The following CACNA1H variants were observed in gnomAD, a reference collection of about 807,000 sequenced individuals.
CACNA1H encodes voltage-dependent T-type calcium channel subunit alpha-1H.
CACNA1H carries 149 observed loss-of-function variants against 192.5 expected under a neutral mutation model. The ratio of observed to expected loss-of-function variants is 0.77; its 90% confidence interval spans 0.68 to 0.89. The LOEUF is 0.89. Among genes scored for constraint, CACNA1H ranks in the 40% least tolerant of loss-of-function variants. The pLI is 0.00. For missense variants in CACNA1H, 4,257 were observed against 3,423.5 expected, an observed-to-expected ratio of 1.24 and a Z score of -6.08; for synonymous variants, 2,202 against 1,475.2, an observed-to-expected ratio of 1.49 and a Z score of -11.29.
intron 28 of CACNA1H, 53 bp downstream of exon 28, chr16:1,215,134 G>T (rs1567549431): frequency 1.3e-6 from 2 of 1,585,210 alleles, no homozygotes; most frequent in Non-Finnish European, 1.7e-6. Context: ...GGCTCTGGGG[G>T]CTGGGGGCAG....
chr16:1,218,995 G>T lies in CACNA1H; in HGVS notation c.5913G>T (p.Pro1971=), dbSNP rs544401405. The T allele has an allele frequency of 2.6e-6, 4 of 1,550,120 alleles. 1 individual carries two copies. Among genetic ancestry groups the T allele is most frequent in the Middle Eastern group, 3.3e-4 (2 of 5,976 alleles). Residue 1971 remains proline (P), a synonymous_variant, in exon 34 of 35, where the codon CCG becomes CCT. Coordinates refer to ENST00000348261, the MANE Select transcript of CACNA1H (RefSeq NM_021098.3). ...GCTCCGTTGCCTCTGTGCACTCTCC[G>T]CCCGCAGAGTCCTGTGCCTCCCTCC... ...PLGSVASVHS[P]PAESCASLQI...
rs1241197393 is a variant in CACNA1H, at chr16:1,205,356, G to C, written c.2603+91G>C. 13 of 1,354,084 alleles carry C rather than the reference G, an allele frequency of 9.6e-6. No individual in the cohort carries two copies. The East Asian group carries it at 2.8e-4, about 29-fold the overall frequency. The allele number at this position is 1,354,084 out of a possible 1,614,324, so 83.9% of individuals were successfully genotyped here. ...CCTGCAGAGCAAAACCCAGAGCACA[G>C]GAGGAAGTACGACGATAGCTCTTTA... On this transcript the variant is annotated intron_variant, in intron 11 of 34. Coordinates refer to ENST00000348261, the MANE Select transcript of CACNA1H (RefSeq NM_021098.3).
rs753307543 is a variant in CACNA1H, at chr16:1,200,469, C to G, written c.1017C>G (p.Asn339Lys). 3 of 1,611,972 alleles carry G rather than the reference C, an allele frequency of 1.9e-6. No individual in the cohort carries two copies. The highest frequency in any genetic ancestry group is 2.5e-6 in the Non-Finnish European group (3 of 1,179,700). ...GCGCTGCACGCAACGCCTGCATCAA[C>G]TGGAACCAGTACTACAACGTGTGCC... is the stretch of plus-strand genomic sequence containing the variant. ...GVGAARNACI[N>K]WNQYYNVCRS... Residue 339 changes from asparagine to lysine, a missense_variant, in exon 7 of 35, where the codon AAC (asparagine) becomes AAG (lysine). Physicochemically the swap from Asn to Lys is moderately conservative, Grantham distance 94 (BLOSUM62 0). Coordinates refer to ENST00000348261, the MANE Select transcript of CACNA1H (RefSeq NM_021098.3).
At chr16:1,172,772 G>A (rs1964498072) in intron 2 of CACNA1H, among the ~76,000 whole-genome samples, 1 of 152,128 alleles carries the variant, frequency 6.6e-6, no homozygotes, top group African/African-American at 2.4e-5. Flanking sequence ...GGAGTGGGCT[G>A]CTGCTGCCTG....
chr16:1,203,895 A>G, intron 9 of CACNA1H, 115 bp from the exon 10 acceptor site: 1 of 724,906 alleles, frequency 1.4e-6, no homozygotes, highest in African/African-American at 1.8e-5. Flanking sequence ...TGGACTCTGG[A>G]TGGATCTTTC....
At chr16:1,185,699 ACGGT>A (rs1319191262) in intron 2 of CACNA1H, among the ~76,000 whole-genome samples, 5 of 68,450 alleles carry the variant, frequency 7.3e-5, no homozygotes, top group Non-Finnish European at 8.2e-5. Context: ...GGGTGAGTAG[ACGGT>A]CGGCGTGCGT....
At position 1,201,560 on chromosome 16, in the gene CACNA1H, C is replaced by G; in HGVS notation, c.1213-103C>G. 3.6e-6 allele frequency: 5 copies of G among 1,379,302 alleles called. No individual in the cohort carries two copies. The South Asian group carries it at 5.8e-5, about 16-fold the overall frequency. 85.4% of individuals were successfully genotyped at this position (1,379,302 alleles called of 1,614,324 possible). On this transcript the variant is annotated intron_variant, in intron 8 of 34. Coordinates refer to ENST00000348261, the MANE Select transcript of CACNA1H (RefSeq NM_021098.3). ...TAGCAGGGCACCTCGCCCACTGTGC[C>G]TGTGACGCGGCCCCCACTCGAACAG... is the stretch of plus-strand genomic sequence containing the variant.
rs761917566 is a variant in CACNA1H, at chr16:1,220,848, C to T, written c.6916C>T (p.Pro2306Ser). 8.1e-6 allele frequency: 13 copies of T among 1,612,712 alleles called. No homozygotes were observed. The highest frequency in any genetic ancestry group is 9.3e-6 in the Non-Finnish European group (11 of 1,179,828). The change falls in exon 35 of 35, where the codon CCA becomes TCA. Residue 2306 changes from proline to serine, a missense_variant. Transcript: ENST00000348261. Reference sequence around the variant, plus strand: ...AGGGGCCATAGTGCCCCTGGAACCCCCAGAATCAGAGCCTCCCATGCCCGT... The same window carrying T: ...AGGGGCCATAGTGCCCCTGGAACCCTCAGAATCAGAGCCTCCCATGCCCGT... ...SSGAIVPLEP[P>S]ESEPPMPVGD... is the part of the protein sequence containing the mutation.
At position 1,215,514 on chromosome 16, in the gene CACNA1H, C is replaced by A. The variant is rs773228250; in HGVS notation, c.5174-9C>A. ...CCCAGCCCTGCTGACGCTCAGCTCC[C>A]GGCCCTAGTGCTGAAGCTGCTGAAG... On this transcript the variant is annotated splice_polypyrimidine_tract_variant and intron_variant, in intron 29 of 34. Transcript: ENST00000348261. 6.2e-7 allele frequency: 1 copy of A among 1,610,272 alleles called. No homozygotes were observed. Among genetic ancestry groups the A allele is most frequent in the African/African-American group, 1.3e-5 (1 of 74,886 alleles).
At chr16:1,172,296 G>A (rs532459752) in intron 2 of CACNA1H, among the ~76,000 whole-genome samples, 2 of 152,290 alleles carry the variant, frequency 1.3e-5, no homozygotes, top group East Asian at 1.9e-4. Context: ...CCGCAGCCTT[G>A]CCTGTTGAGT....
intron 11 of CACNA1H, 82 bp downstream of exon 11, chr16:1,205,347 C>G (rs1033778050): frequency 1.4e-6 from 2 of 1,407,966 alleles, no homozygotes; most frequent in African/African-American, 2.9e-5. Context: ...GAGCAAAACC[C>G]AGAGCACAGG....
At chr16:1,162,107 G>A (rs1164981195) in intron 2 of CACNA1H, among the ~76,000 whole-genome samples, 1 of 152,130 alleles carries the variant, frequency 6.6e-6, no homozygotes, top group African/African-American at 2.4e-5. Flanking sequence ...TGGCCTCTGG[G>A]TGTGTGGCGG....
At chr16:1,219,302 G>A (rs901598271) in intron 34 of CACNA1H, among the ~76,000 whole-genome samples, 172 bp downstream of exon 34, 1 of 152,146 alleles carries the variant, frequency 6.6e-6, no homozygotes, top group Admixed American at 6.5e-5. Context: ...TGGAGCATTG[G>A]GCCCAGGTGC....
intron 14 of CACNA1H, 74 bp downstream of exon 14, chr16:1,207,504 G>C: frequency 6.7e-7 from 1 of 1,487,286 alleles, no homozygotes; most frequent in Non-Finnish European, 9.2e-7. Context: ...CGAGGGGAGG[G>C]GTGTGGGGGG....
intron 2 of CACNA1H, among the ~76,000 whole-genome samples, chr16:1,164,408 C>T (rs934776484): frequency 7.9e-5 from 12 of 152,188 alleles, no homozygotes; most frequent in Non-Finnish European, 1.8e-4. Flanking sequence ...TCACCCCTCA[C>T]TGCCACCTCG....
chr16:1,203,706 C>T (rs570975906), intron 9 of CACNA1H, among the ~76,000 whole-genome samples: 3 of 152,310 alleles, frequency 2.0e-5, no homozygotes, highest in East Asian at 1.9e-4. Flanking sequence ...TGCAAGTCCC[C>T]GGCTTGTCGA....
At chr16:1,179,635 G>A (rs1342656035) in intron 2 of CACNA1H, among the ~76,000 whole-genome samples, 1 of 151,514 alleles carries the variant, frequency 6.6e-6, no homozygotes, top group African/African-American at 2.4e-5. Context: ...TATCATGTTG[G>A]CCAGGCTGGT....
rs747600250 is a variant in CACNA1H, at chr16:1,200,574, G to A, written c.1119+3G>A. 3.1e-6 allele frequency: 5 copies of A among 1,611,440 alleles called. No homozygotes were observed. Among genetic ancestry groups the A allele is most frequent in the African/African-American group, 1.3e-5 (1 of 74,910 alleles). On this transcript the variant is annotated splice_donor_region_variant and intron_variant, in intron 7 of 34. Transcript: ENST00000348261. ...ACGCCTGGATTGCCATCTTCCAGGT[G>A]GGCGGCAAGATGGTGGGACGGGGAC...
At position 1,220,949 on chromosome 16, in the gene CACNA1H, CT is replaced by C; in HGVS notation, c.7018del (p.Ser2340GlnfsTer45). The C allele has an allele frequency of 6.2e-7, 1 of 1,606,814 alleles. No individual in the cohort carries two copies. Among genetic ancestry groups the C allele is most frequent in the South Asian group, 1.1e-5 (1 of 90,762 alleles). ...GTCCTCTGGAGAAACCAGGGTCCCC[CT>C]CAGCCACCCCTGCCCCAGGGGGTGG... ...QCPLEKPGSP[S>X]ATPAPGGGAD... On this transcript the variant is annotated frameshift_variant, in exon 35 of 35. Coordinates refer to ENST00000348261, the MANE Select transcript of CACNA1H (RefSeq NM_021098.3). LOFTEE classifies it low-confidence loss of function (END_TRUNC).
Sources: gnomAD v4.1 joint callset for allele counts (sites outside exome capture counted in the v4.1 genomes callset) on GRCh38, gnomAD v4.1.1 for gene constraint, MANE v1.5 for transcripts, NCBI Gene and HGNC (gene_info 2026-07-23, HGNC 2026-07-21) for gene names.